Variants in DMTN observed in about 807,000 individuals in gnomAD.
DMTN encodes the protein dematin.
DMTN carries 27 observed loss-of-function variants against 59.4 expected under a neutral mutation model. The observed-to-expected ratio is 0.45, with a 90% CI of 0.33 to 0.63. DMTN has a LOEUF of 0.63. Ranked by LOEUF, DMTN falls within the 20% of genes least tolerant of loss-of-function variation. The pLI, the probability that DMTN is intolerant of heterozygous loss-of-function variation, is 0.02. For synonymous variants in DMTN, 221 were observed against 203.7 expected (o/e 1.08, Z -0.72); for missense variants, 451 against 528.9 (o/e 0.85, Z 1.45).
At chr8:22,053,456 G>A (rs1161647394), upstream of DMTN, 1 of 152,406 alleles carries the variant, frequency 6.6e-6, no homozygotes, top group Non-Finnish European at 1.5e-5. Context: ...TGAGTGTCCA[G>A]GTGCCCTGGC....
chr8:22,066,293 G>A (rs1810537555), intron 1 of DMTN, among the ~76,000 whole-genome samples: 1 of 152,222 alleles, frequency 6.6e-6, no homozygotes, highest in South Asian at 2.1e-4. Flanking sequence ...CAGAAGCCGG[G>A]CTGCTCAGGG....
At chr8:22,050,401 C>G (rs1801221948), upstream of DMTN, among the ~76,000 whole-genome samples, 1 of 152,220 alleles carries the variant, frequency 6.6e-6, no homozygotes, top group African/African-American at 2.4e-5. Context: ...AAACTCTAGA[C>G]TGCCTCCCCG....
At chr8:22,073,862 T>G (rs751442350) in intron 10 of DMTN, 27 bp downstream of exon 10, 1 of 1,592,372 alleles carries the variant, frequency 6.3e-7, no homozygotes, top group South Asian at 1.1e-5. Context: ...GGGCTCAGAG[T>G]CACCTGGCCA....
At chr8:22,050,432 A>C (rs1000736098), upstream of DMTN, among the ~76,000 whole-genome samples, 1 of 151,764 alleles carries the variant, frequency 6.6e-6, no homozygotes, top group African/African-American at 2.4e-5. Context: ...TCTCCGGCCC[A>C]CCCCTGCCCC....
At position 22,082,216 on chromosome 8, in the gene DMTN, C is replaced by T. The variant is rs1160697132; in HGVS notation, c.*753C>T. On this transcript the variant is annotated 3_prime_UTR_variant, in exon 16 of 16. Coordinates refer to ENST00000358242, the MANE Select transcript of DMTN (RefSeq NM_001387751.1). ...CCTTGGATGGGGTCAAGAGGCCAGG[C>T]CTGGCACATTTTGGAGTGTCCTGGC... 4.4e-6 allele frequency: 2 copies of T among 456,976 alleles called. No homozygotes were observed. Among genetic ancestry groups the T allele is most frequent in the Admixed American group, 2.3e-5 (1 of 42,584 alleles). The allele number at this position is 456,976 out of a possible 1,614,324, so 28.3% of individuals were successfully genotyped here.
chr8:22,072,911 G>A (rs1816839441), intron 9 of DMTN, among the ~76,000 whole-genome samples: 1 of 152,058 alleles, frequency 6.6e-6, no homozygotes. Context: ...CTTTTGAAGG[G>A]ACACCTGGAC....
Position 22,066,882 on chromosome 8 carries a change from C to A in DMTN, c.7C>A (p.Arg3=), listed in dbSNP as rs1297255827. Residue 3 remains arginine (R), a synonymous_variant, in exon 2 of 16, where the codon CGG becomes AGG. Coordinates refer to ENST00000358242, the MANE Select transcript of DMTN (RefSeq NM_001387751.1). Reference sequence around the variant, plus strand: ...CGGGCGAGCTCCGTGCTGCATGGAACGGCTGCAGAAGGTGCGCGGCGCCGC... The same window carrying A: ...CGGGCGAGCTCCGTGCTGCATGGAAAGGCTGCAGAAGGTGCGCGGCGCCGC... The part of the protein sequence containing the change: ME[R]LQKQPLTSPG... 7.5e-6 allele frequency: 10 copies of A among 1,328,758 alleles called. No homozygotes were observed. Among genetic ancestry groups the A allele is most frequent in the Non-Finnish European group, 9.6e-6 (10 of 1,037,066 alleles). The allele number at this position is 1,328,758 out of a possible 1,614,324, so 82.3% of individuals were successfully genotyped here.
chr8:22,080,387 T>C (rs369686371), intron 11 of DMTN, 25 bp from the exon 12 acceptor site: 25 of 1,614,160 alleles, frequency 1.5e-5, no homozygotes, highest in Non-Finnish European at 2.1e-5. Context: ...CCCGACTGCC[T>C]CTGATTCCTT....
At chr8:22,071,694 C>G (rs1815640931) in intron 8 of DMTN, among the ~76,000 whole-genome samples, 1 of 152,064 alleles carries the variant, frequency 6.6e-6, no homozygotes, top group South Asian at 2.1e-4. Context: ...ATTCTCCTGC[C>G]TCAGCCTCCT....
chr8:22,074,980 A>G (rs1262195680), intron 10 of DMTN, among the ~76,000 whole-genome samples: 1 of 151,970 alleles, frequency 6.6e-6, no homozygotes, highest in Non-Finnish European at 1.5e-5. Context: ...CAAGGTCAGG[A>G]GTTCAAGACC....
chr8:22,067,562 C>T lies in DMTN; in HGVS notation c.129C>T (p.Asp43=). 6.2e-7 allele frequency: 1 copy of T among 1,614,178 alleles called. No homozygotes were observed. Among genetic ancestry groups the T allele is most frequent in the Non-Finnish European group, 8.5e-7 (1 of 1,180,034 alleles). Reference sequence around the variant, plus strand: ...ACAATCAGGTGCTGGGCTACAAGGACCTGGCTGCCATCCCCAAGGACAAGG... The same window carrying T: ...ACAATCAGGTGCTGGGCTACAAGGATCTGGCTGCCATCCCCAAGGACAAGG... ...KMDNQVLGYK[D]LAAIPKDKAI... The change falls in exon 4 of 16, where the codon GAC becomes GAT. Residue 43 remains aspartate, a synonymous_variant. Coordinates refer to ENST00000358242, the MANE Select transcript of DMTN (RefSeq NM_001387751.1).
At chr8:22,050,569 C>T (rs950815969), upstream of DMTN, among the ~76,000 whole-genome samples, 3 of 151,646 alleles carry the variant, frequency 2.0e-5, no homozygotes, top group East Asian at 5.9e-4. Context: ...TACCGACAGG[C>T]CTCTGGGGGC....
chr8:22,072,159 A>T (rs1293684192), intron 8 of DMTN, among the ~76,000 whole-genome samples, 167 bp from the exon 9 acceptor site: 1 of 151,808 alleles, frequency 6.6e-6, no homozygotes, highest in Non-Finnish European at 1.5e-5. Flanking sequence ...CAATGTGTTG[A>T]GATTACAGGC....
intron 6 of DMTN, 115 bp downstream of exon 6, chr8:22,069,633 T>A: frequency 1.0e-6 from 1 of 984,262 alleles, no homozygotes; most frequent in Non-Finnish European, 1.5e-6. Flanking sequence ...CAGGGCTAAG[T>A]AGGCCCCAGG....
intron 9 of DMTN, 30 bp downstream of exon 9, chr8:22,072,480 C>A (rs1484998189): frequency 6.5e-7 from 1 of 1,533,722 alleles, no homozygotes. Flanking sequence ...ACCCTCCACC[C>A]CTGTGCAGGA....
chr8:22,068,922 G>C, intron 4 of DMTN, 94 bp from the exon 5 acceptor site: 1 of 1,435,694 alleles, frequency 7.0e-7, no homozygotes, highest in Non-Finnish European at 9.8e-7. Context: ...AAAGTGTGCG[G>C]CTTTGGGTGG....
chr8:22,049,738 C>T (rs1386064765), upstream of DMTN, among the ~76,000 whole-genome samples: 1 of 152,146 alleles, frequency 6.6e-6, no homozygotes, highest in African/African-American at 2.4e-5. Context: ...TGAGTCCTCT[C>T]TTCTGAGGAT....
chr8:22,066,752 C>A lies in DMTN; in HGVS notation c.-124C>A. Reference sequence around the variant, plus strand: ...ATGAGGACGCGCCAGCCCGGGGGAACGCGCCAGCTGCTTTCGCGGCCCCAA... The same window carrying A: ...ATGAGGACGCGCCAGCCCGGGGGAAAGCGCCAGCTGCTTTCGCGGCCCCAA... On this transcript the variant is annotated 5_prime_UTR_variant, in exon 2 of 16. Transcript: ENST00000358242. The A allele has an allele frequency of 1.8e-6, 2 of 1,124,296 alleles. No individual in the cohort carries two copies. The highest frequency in any genetic ancestry group is 2.3e-6 in the Non-Finnish European group (2 of 861,890). 69.6% of individuals were successfully genotyped at this position (1,124,296 alleles called of 1,614,324 possible). A position where few individuals can be genotyped will look rare whatever the true frequency, so the allele number is the denominator to read the frequency against.
At position 22,062,459 on chromosome 8, in the gene DMTN, C is replaced by T. The variant is rs144747996; in HGVS notation, c.-171-4246C>T. 1.4e-3 allele frequency among the ~76,000 whole-genome samples: 214 copies of T among 152,196 alleles called. 2 individuals are homozygous for T. Among genetic ancestry groups the T allele is most frequent in the African/African-American group, 4.8e-3 (198 of 41,514 alleles). On this transcript the variant is annotated intron_variant, in intron 1 of 15. Transcript: ENST00000358242. The stretch of plus-strand genomic sequence containing the variant: ...TCTTGTACTTGGCTGTGAACTTGAT[C>T]CCTTCCCTCCTGCTGCCGTCTTGCT...
Sources: gnomAD v4.1 joint callset for allele counts (sites outside exome capture counted in the v4.1 genomes callset) on GRCh38, gnomAD v4.1.1 for gene constraint, MANE v1.5 for transcripts, NCBI Gene and HGNC (gene_info 2026-07-23, HGNC 2026-07-21) for gene names.